CSMD1: variants seen among roughly 807,000 people sequenced by gnomAD.
CSMD1 encodes the protein CUB and Sushi multiple domains 1, also known as CUB and sushi domain-containing protein 1.
CSMD1 carries 213 observed loss-of-function variants against 417.5 expected under a neutral mutation model. That is an observed-to-expected ratio of 0.51 (90% CI 0.46 to 0.57). The LOEUF is 0.57. Among genes scored for constraint, CSMD1 ranks in the 20% least tolerant of loss-of-function variants. The probability of loss-of-function intolerance (pLI) is 0.00; values close to 1 mark genes in which losing one functional copy is unlikely to be tolerated. For missense variants in CSMD1, 6,923 were observed against 4,529.7 expected, an observed-to-expected ratio of 1.53 and a Z score of -15.17; for synonymous variants, 2,862 against 1,736.8, an observed-to-expected ratio of 1.65 and a Z score of -16.11.
intron 3 of CSMD1, among the ~76,000 whole-genome samples, chr8:4,182,236 G>A (rs1164045847): frequency 6.6e-6 from 1 of 151,896 alleles, no homozygotes; most frequent in African/African-American, 2.4e-5. Context: ...TGATACATAA[G>A]AAAAAAACGG....
In CSMD1 at chr8:3,878,554, G is replaced by T. The variant is rs1311695152; in HGVS notation, c.818+119349C>A. The stretch of plus-strand genomic sequence containing the variant: ...ATGAAAAAGGAAATTATATAGATAG[G>T]AAGTATAGAAAAAATTGCGTGCATT... On this transcript the variant is annotated intron_variant, in intron 5 of 69. Coordinates refer to ENST00000635120, the MANE Select transcript of CSMD1 (RefSeq NM_033225.6). Among the ~76,000 whole-genome samples the T allele has an allele frequency of 2.6e-5, 4 of 152,122 alleles. No individual in the cohort carries two copies. In the East Asian group the frequency reaches 7.7e-4, roughly 29 times the overall value.
chr8:3,797,787 C>T (rs1213110023), intron 5 of CSMD1, among the ~76,000 whole-genome samples: 1 of 151,818 alleles, frequency 6.6e-6, no homozygotes, highest in Admixed American at 6.6e-5. Context: ...CAGAAAATTC[C>T]TAGGTTATTA....
At chr8:3,469,059 T>TA (rs984830932) in intron 11 of CSMD1, 8 of 375,248 alleles carry the variant, frequency 2.1e-5, no homozygotes, top group African/African-American at 1.5e-4. Context: ...AATTTTCTTT[T>TA]AAAAAATCAA....
At chr8:3,825,341 C>A (rs1319437950) in intron 5 of CSMD1, among the ~76,000 whole-genome samples, 6 of 152,076 alleles carry the variant, frequency 3.9e-5, no homozygotes, top group African/African-American at 1.2e-4. Context: ...ACCAGCTTGG[C>A]CAACATGGTG....
At chr8:3,396,592 C>T (rs1482695967) in intron 16 of CSMD1, among the ~76,000 whole-genome samples, 2 of 152,226 alleles carry the variant, frequency 1.3e-5, no homozygotes, top group Non-Finnish European at 2.9e-5. Context: ...TTTCTCTTAT[C>T]TAATATTCTG....
intron 1 of CSMD1, among the ~76,000 whole-genome samples, chr8:4,911,221 T>A (rs1805649188): frequency 6.6e-6 from 1 of 152,230 alleles, no homozygotes; most frequent in Admixed American, 6.5e-5. Flanking sequence ...TTCCTCAAAT[T>A]CTGTCTGCTC....
At chr8:3,268,223 A>G (rs1801573945) in intron 26 of CSMD1, among the ~76,000 whole-genome samples, 1 of 148,508 alleles carries the variant, frequency 6.7e-6, no homozygotes, top group African/African-American at 2.5e-5. Flanking sequence ...CACTAGTGCC[A>G]TCATGCACAC....
intron 5 of CSMD1, among the ~76,000 whole-genome samples, chr8:3,883,959 T>TAG (rs1388964985): frequency 6.6e-6 from 1 of 152,178 alleles, no homozygotes; most frequent in Non-Finnish European, 1.5e-5. Flanking sequence ...TACATAGATA[T>TAG]AGAGTGTGCA....
chr8:4,184,910 G>T (rs529309952), intron 3 of CSMD1, among the ~76,000 whole-genome samples: 1 of 149,712 alleles, frequency 6.7e-6, no homozygotes, highest in Admixed American at 6.6e-5. Context: ...CCAGCCTCTG[G>T]GTGGATCACC....
In CSMD1 at chr8:3,142,680, GA is replaced by G; in HGVS notation, c.6032-7del. The G allele has an allele frequency of 6.2e-7, 1 of 1,600,384 alleles. No homozygotes were observed. Among genetic ancestry groups the G allele is most frequent in the Non-Finnish European group, 8.6e-7 (1 of 1,167,620 alleles). On this transcript the variant is annotated splice_region_variant and splice_polypyrimidine_tract_variant and intron_variant, in intron 40 of 69. Coordinates refer to ENST00000635120, the MANE Select transcript of CSMD1 (RefSeq NM_033225.6). Reference sequence around the variant, plus strand: ...CAGAAACTGAATATGTGCACCTATGGAAAAACATGCAAACTTAATGAAAGTT... The same window carrying G: ...CAGAAACTGAATATGTGCACCTATGGAAAACATGCAAACTTAATGAAAGTT...
intron 26 of CSMD1, among the ~76,000 whole-genome samples, chr8:3,281,548 A>G (rs80112595): frequency 0.089 from 13,582 of 152,288 alleles, 758 homozygotes; most frequent in East Asian, 0.17. Context: ...CTGGAGCTTG[A>G]AAGTGTCTTA....
chr8:4,039,979 G>A lies in CSMD1; in HGVS notation c.416-7880C>T, dbSNP rs190449008. 5.2e-3 allele frequency among the ~76,000 whole-genome samples: 792 copies of A among 152,264 alleles called. 5 individuals carry two copies. Among genetic ancestry groups the A allele is most frequent in the Non-Finnish European group, 8.9e-3 (603 of 68,014 alleles). On this transcript the variant is annotated intron_variant, in intron 3 of 69. Transcript: ENST00000635120. ...TTGTAAAAAGATATCACAAATCAGG[G>A]CACTCGGTACAGGTTAAGTGCCCCA...
chr8:4,813,083 G>A (rs1799000844), intron 1 of CSMD1, among the ~76,000 whole-genome samples: 1 of 152,170 alleles, frequency 6.6e-6, no homozygotes, highest in African/African-American at 2.4e-5. Flanking sequence ...AGATATTTAT[G>A]CATGATTTAC....
intron 1 of CSMD1, among the ~76,000 whole-genome samples, chr8:4,712,294 G>C (rs991413728): frequency 6.6e-6 from 1 of 152,172 alleles, no homozygotes; most frequent in Non-Finnish European, 1.5e-5. Flanking sequence ...ACTTCAGTGT[G>C]GGAGATGTAA....
At position 3,323,918 on chromosome 8, in the gene CSMD1, T is replaced by C. The variant is rs77130980; in HGVS notation, c.3632-15415A>G. Among the ~76,000 whole-genome samples the C allele has an allele frequency of 2.1e-3, 252 of 122,546 alleles. 1 individual carries two copies. Among genetic ancestry groups the C allele is most frequent in the East Asian group, 0.011 (33 of 2,918 alleles). The allele number at this position is 122,546 out of a possible 152,430, so 80.4% of individuals were successfully genotyped here. A position where few individuals can be genotyped will look rare whatever the true frequency, so the allele number is the denominator to read the frequency against. On this transcript the variant is annotated intron_variant, in intron 23 of 69. Transcript: ENST00000635120. ...ACCCCACCTTTCATCATTGTTAAAA[T>C]AGACACACATCTAACCCCAGAGACC...
intron 7 of CSMD1, among the ~76,000 whole-genome samples, chr8:3,664,113 T>C (rs1163635619): frequency 1.3e-5 from 2 of 152,194 alleles, no homozygotes; most frequent in East Asian, 1.9e-4. Flanking sequence ...ACATGTGCCA[T>C]GTTGGTTTGC....
intron 5 of CSMD1, among the ~76,000 whole-genome samples, chr8:3,848,511 C>G (rs1803666269): frequency 1.3e-5 from 2 of 152,118 alleles, no homozygotes; most frequent in Admixed American, 1.3e-4. Context: ...GATTTTATAG[C>G]AAAAGCCTGA....
At chr8:4,347,756 C>T (rs1301976969) in intron 3 of CSMD1, among the ~76,000 whole-genome samples, 1 of 152,002 alleles carries the variant, frequency 6.6e-6, no homozygotes, top group Non-Finnish European at 1.5e-5. Context: ...GCATGTATTG[C>T]CAAGTTGTAT....
chr8:4,270,179 G>C (rs1173525382), intron 3 of CSMD1, among the ~76,000 whole-genome samples: 1 of 152,206 alleles, frequency 6.6e-6, no homozygotes, highest in Non-Finnish European at 1.5e-5. Flanking sequence ...CAAGCGGTTA[G>C]AAAGGAGTTG....
Sources: gnomAD v4.1 joint callset for allele counts (sites outside exome capture counted in the v4.1 genomes callset) on GRCh38, gnomAD v4.1.1 for gene constraint, MANE v1.5 for transcripts, NCBI Gene and HGNC (gene_info 2026-07-23, HGNC 2026-07-21) for gene names.